SPTBN4: variants seen among roughly 807,000 people sequenced by gnomAD.
The protein encoded by SPTBN4 is spectrin beta chain, non-erythrocytic 4.
SPTBN4 carries 96 observed loss-of-function variants against 277.8 expected under a neutral mutation model. The ratio of observed to expected loss-of-function variants is 0.35; its 90% confidence interval spans 0.29 to 0.41. The LOEUF is 0.41. Among genes scored for constraint, SPTBN4 ranks in the 10% least tolerant of loss-of-function variants. The pLI is 1.00. For missense variants in SPTBN4, 3,006 were observed against 3,595.7 expected (o/e 0.84, Z 4.19); for synonymous variants, 1,481 against 1,580.3 (o/e 0.94, Z 1.49).
intron 22 of SPTBN4, among the ~76,000 whole-genome samples, chr19:40,552,460 AAAAAAAAAAAAAAAGATT>A (rs1381165490): frequency 2.6e-5 from 4 of 151,142 alleles, no homozygotes; most frequent in Non-Finnish European, 4.4e-5. Context: ...CGTCTCAAAA[AAAAAAAAAAAAAAAGATT>A]AAAAAAAAAA....
intron 18 of SPTBN4, among the ~76,000 whole-genome samples, chr19:40,531,353 G>A (rs1329653053): frequency 6.6e-6 from 1 of 151,862 alleles, no homozygotes; most frequent in Non-Finnish European, 1.5e-5. Flanking sequence ...CCCCTGGGGA[G>A]CACATGCTCA....
At chr19:40,525,135 C>T (rs2080575270) in intron 17 of SPTBN4, among the ~76,000 whole-genome samples, 1 of 152,134 alleles carries the variant, frequency 6.6e-6, no homozygotes, top group Admixed American at 6.5e-5. Flanking sequence ...TTCACTGTGC[C>T]ACCCCCAGCC....
In SPTBN4 at chr19:40,519,445, T is replaced by C. The variant is rs762081132; in HGVS notation, c.2948T>C (p.Met983Thr). ...CTAGTGGAACAGCGCAAAGAGGAAA[T>C]GAGCGCGGTGCTGCTGGTGGAGAAC... Reference protein sequence around the residue: ...VELVEQRKEEMSAVLLVENHV... With the variant: ...VELVEQRKEETSAVLLVENHV... Residue 983 changes from methionine (M) to threonine (T), a missense_variant, in exon 16 of 36, where the codon ATG becomes ACG. Met to Thr is a moderately conservative substitution (Grantham distance 81). Coordinates refer to ENST00000598249, the MANE Select transcript of SPTBN4 (RefSeq NM_020971.3). The surrounding 1 kb of genome is among the most constrained non-coding windows in gnomAD (Gnocchi z 5.7). 1.5e-5 allele frequency: 24 copies of C among 1,602,216 alleles called. No homozygotes were observed. The East Asian group carries it at 5.5e-4, about 37-fold the overall frequency.
chr19:40,570,865 TG>T, intron 33 of SPTBN4, 137 bp downstream of exon 33: 15 of 647,632 alleles, frequency 2.3e-5, no homozygotes, highest in Non-Finnish European at 2.9e-5. Context: ...GGGCCAGAGC[TG>T]GGGGGTGGTG....
At chr19:40,541,805 C>T (rs1316814039) in intron 20 of SPTBN4, among the ~76,000 whole-genome samples, 4 of 152,142 alleles carry the variant, frequency 2.6e-5, no homozygotes, top group Non-Finnish European at 4.4e-5. Context: ...AGTGCAGTGG[C>T]GCGATCTTGG....
Position 40,503,901 on chromosome 19 carries a change from T to C in SPTBN4, c.1434T>C (p.Ile478=), listed in dbSNP as rs373750183. 1.1e-4 allele frequency: 180 copies of C among 1,612,686 alleles called. No individual in the cohort carries two copies. Among genetic ancestry groups the C allele is most frequent in the Non-Finnish European group, 1.5e-4 (173 of 1,179,128 alleles). The part of the protein sequence containing the change: ...MKKHEAIEAD[I]AAYEERVQGV... ...AACACGAAGCGATCGAGGCAGACAT[T>C]GCGGCCTACGAGGAGCGGGTGCAGG... The change falls in exon 12 of 36, where the codon ATT becomes ATC. Residue 478 remains isoleucine, a synonymous_variant. Transcript: ENST00000598249.
At position 40,560,193 on chromosome 19, in the gene SPTBN4, G is replaced by A. The variant is rs1014670253; in HGVS notation, c.5705G>A (p.Arg1902Gln). ...CTGCAGGAGGGGGCGGCCCAGCTGC[G>A]GACGGTGTATGCGGGTGAACATGCC... ...RQLQEGAAQL[R>Q]TVYAGEHAEA... Residue 1902 changes from arginine to glutamine, a missense_variant, in exon 27 of 36, where the codon CGG becomes CAG. Transcript: ENST00000598249. The surrounding 1 kb of genome is among the most constrained non-coding windows in gnomAD (Gnocchi z 5.2). 2 of 1,603,010 alleles carry A rather than the reference G, an allele frequency of 1.2e-6. No homozygotes were observed. The highest frequency in any genetic ancestry group is 8.5e-7 in the Non-Finnish European group (1 of 1,179,518).
chr19:40,573,516 G>C (rs543084832), intron 35 of SPTBN4, among the ~76,000 whole-genome samples: 20 of 152,214 alleles, frequency 1.3e-4, no homozygotes, highest in South Asian at 4.1e-4. Flanking sequence ...GGAGAGCTAG[G>C]GGGGATTACA....
chr19:40,469,350 C>T (rs1599699379), intron 1 of SPTBN4, among the ~76,000 whole-genome samples: 2 of 152,104 alleles, frequency 1.3e-5, no homozygotes, highest in South Asian at 2.1e-4. Flanking sequence ...CTACAACCTT[C>T]GCCTCCCGGT....
intron 2 of SPTBN4, among the ~76,000 whole-genome samples, chr19:40,477,396 C>G (rs1318869313): frequency 1.3e-5 from 2 of 152,068 alleles, no homozygotes; most frequent in Non-Finnish European, 2.9e-5. Context: ...CTGGCTCATG[C>G]TGGACAACAT....
intron 20 of SPTBN4, among the ~76,000 whole-genome samples, chr19:40,540,074 C>G (rs1186691962): frequency 6.6e-6 from 1 of 151,718 alleles, no homozygotes; most frequent in Non-Finnish European, 1.5e-5. Context: ...CTATAGGCAC[C>G]CGCCACCATA....
chr19:40,497,659 A>G (rs2080215394), intron 7 of SPTBN4, 55 bp downstream of exon 7: 6 of 1,413,296 alleles, frequency 4.2e-6, no homozygotes, highest in Admixed American at 3.4e-5. Context: ...CCCAACCCCA[A>G]TGCCATGTCA....
At position 40,554,475 on chromosome 19, in the gene SPTBN4, G is replaced by A. The variant is rs1339791676; in HGVS notation, c.4954-41G>A. The A allele has an allele frequency of 7.4e-6, 11 of 1,485,110 alleles. No homozygotes were observed. Among genetic ancestry groups the A allele is most frequent in the African/African-American group, 2.8e-5 (2 of 71,020 alleles). 92.0% of individuals were successfully genotyped at this position (1,485,110 alleles called of 1,614,324 possible). On this transcript the variant is annotated intron_variant, in intron 23 of 35. Coordinates refer to ENST00000598249, the MANE Select transcript of SPTBN4 (RefSeq NM_020971.3). The surrounding 1 kb of genome is among the most constrained non-coding windows in gnomAD (Gnocchi z 5.7). ...GGGCCTGGGGGCGCTGGAGCCGGGG[G>A]CCGCCGCTGCCGCCTCATCGTGGGC...
At chr19:40,513,654 G>T in intron 14 of SPTBN4, 100 bp downstream of exon 14, 11 of 1,226,196 alleles carry the variant, frequency 9.0e-6, no homozygotes, top group Non-Finnish European at 1.2e-5. Context: ...CTGGAACTAG[G>T]AGTTCCAATC....
intron 20 of SPTBN4, among the ~76,000 whole-genome samples, chr19:40,546,903 CGAA>C (rs1227274592): frequency 6.6e-6 from 1 of 152,122 alleles, no homozygotes; most frequent in African/African-American, 2.4e-5. Flanking sequence ...ACTGTGAAGA[CGAA>C]GCAGGATGGA....
In SPTBN4 at chr19:40,504,150, G is replaced by GCCC; in HGVS notation, c.1665+18_1665+19insCCC. 9.8e-7 allele frequency: 1 copy of GCCC among 1,020,992 alleles called. No homozygotes were observed. The highest frequency in any genetic ancestry group is 1.5e-6 in the Non-Finnish European group (1 of 681,356). 63.2% of individuals were successfully genotyped at this position (1,020,992 alleles called of 1,614,324 possible). On this transcript the variant is annotated intron_variant, in intron 12 of 35. Coordinates refer to ENST00000598249, the MANE Select transcript of SPTBN4 (RefSeq NM_020971.3). The stretch of plus-strand genomic sequence containing the variant: ...AGATGCAGGTGCCGGCGGGGGGGCG[G>GCCC]GGATGCGGGTGGAGTGCCAGGAGGG...
intron 22 of SPTBN4, among the ~76,000 whole-genome samples, chr19:40,552,007 A>C (rs2145927154): frequency 6.6e-6 from 1 of 151,656 alleles, no homozygotes; most frequent in African/African-American, 2.4e-5. Context: ...AAAAAAAAAA[A>C]AACATCGATT....
At chr19:40,559,117 A>G (rs2081016041) in intron 26 of SPTBN4, among the ~76,000 whole-genome samples, 2 of 150,878 alleles carry the variant, frequency 1.3e-5, no homozygotes, top group Admixed American at 6.6e-5. Context: ...TTTAGTAGAG[A>G]TGGGGTTTCA....
intron 13 of SPTBN4, 72 bp downstream of exon 13, chr19:40,506,458 A>C: frequency 6.6e-7 from 1 of 1,514,208 alleles, no homozygotes; most frequent in Non-Finnish European, 8.9e-7. Context: ...GGCAAGAGTG[A>C]CTCCTGAGAG....
Sources: allele counts gnomAD v4.1 joint callset (sites outside exome capture counted in the v4.1 genomes callset), GRCh38; gene constraint gnomAD v4.1.1; non-coding constraint Gnocchi (gnomAD v3.1); transcripts MANE v1.5; gene names NCBI Gene and HGNC (gene_info 2026-07-23, HGNC 2026-07-21).